The following RFTN2 variants were observed in gnomAD, a reference collection of about 807,000 sequenced individuals.
RFTN2 encodes raftlin family member 2.
RFTN2 carries 34 observed loss-of-function variants against 52.7 expected under a neutral mutation model. The observed-to-expected ratio is 0.64, with a 90% CI of 0.49 to 0.86. The LOEUF (loss-of-function observed/expected upper bound fraction) is 0.86. Ranked by LOEUF, RFTN2 falls within the 40% of genes least tolerant of loss-of-function variation. The pLI is 0.00. For missense variants in RFTN2, 536 were observed against 600.1 expected (o/e 0.89, Z 1.12); for synonymous variants, 203 against 217.7 (o/e 0.93, Z 0.59).
chr2:197,634,491 G>C (rs936094077), intron 3 of RFTN2, among the ~76,000 whole-genome samples: 3 of 152,038 alleles, frequency 2.0e-5, no homozygotes, highest in Admixed American at 1.3e-4. Flanking sequence ...TGACGAATGT[G>C]TAGGTATAAA....
In RFTN2 at chr2:197,633,970, T is replaced by C. The variant is rs1162245714; in HGVS notation, c.466A>G (p.Lys156Glu). ...KINVAAKRGM[K>E]FVGFISQHYS... Reference sequence around the variant, plus strand: ...TGCTGTGATATGAATCCAACAAATTTCATTCCTCTTTTAGCAGCGACATTA... The same window carrying C: ...TGCTGTGATATGAATCCAACAAATTCCATTCCTCTTTTAGCAGCGACATTA... The change falls in exon 4 of 9, where the codon AAA becomes GAA. Residue 156 changes from lysine to glutamate, a missense_variant. Transcript: ENST00000295049. 1.2e-6 allele frequency: 2 copies of C among 1,612,326 alleles called. No homozygotes were observed. Among genetic ancestry groups the C allele is most frequent in the Non-Finnish European group, 1.7e-6 (2 of 1,178,940 alleles).
chr2:197,613,288 G>C (rs891802985), intron 7 of RFTN2, among the ~76,000 whole-genome samples: 2 of 152,152 alleles, frequency 1.3e-5, no homozygotes, highest in Non-Finnish European at 2.9e-5. Flanking sequence ...GCCCTGTATA[G>C]GTACTTTGCG....
At chr2:197,626,710 C>T (rs935510895) in intron 5 of RFTN2, among the ~76,000 whole-genome samples, 1 of 138,722 alleles carries the variant, frequency 7.2e-6, no homozygotes, top group African/African-American at 2.7e-5. Flanking sequence ...CAACCTCTGC[C>T]TCCTGGCAAG....
At chr2:197,660,360 A>G (rs6708239) in intron 1 of RFTN2, among the ~76,000 whole-genome samples, 103,514 of 152,032 alleles carry the variant, frequency 0.68, 35,579 homozygotes, top group Middle Eastern at 0.85. Context: ...AAATAACATC[A>G]AATTATTATT....
chr2:197,617,729 C>T (rs1365985877), intron 6 of RFTN2, 71 bp downstream of exon 6: 2 of 629,078 alleles, frequency 3.2e-6, no homozygotes, highest in East Asian at 1.4e-4. Context: ...AAAACCCAAA[C>T]CAAACATATA....
chr2:197,611,028 A>G lies in RFTN2; in HGVS notation c.1154+4848T>C, dbSNP rs191893816. Among the ~76,000 whole-genome samples, 350 of 152,294 alleles carry G rather than the reference A, an allele frequency of 2.3e-3. 1 individual carries two copies. The highest frequency in any genetic ancestry group is 8.0e-3 in the African/African-American group (333 of 41,558). On this transcript the variant is annotated intron_variant, in intron 7 of 8. Coordinates refer to ENST00000295049, the MANE Select transcript of RFTN2 (RefSeq NM_144629.3). Reference sequence around the variant, plus strand: ...GATTCGGTTTGCCAGTATTTTATTGATGAGCTTCATATCATTGTTCATCAG... The same window carrying G: ...GATTCGGTTTGCCAGTATTTTATTGGTGAGCTTCATATCATTGTTCATCAG...
chr2:197,610,639 C>T (rs1287620738), intron 7 of RFTN2, among the ~76,000 whole-genome samples: 2 of 152,152 alleles, frequency 1.3e-5, no homozygotes, highest in Non-Finnish European at 2.9e-5. Flanking sequence ...GCCAGAACTT[C>T]CAACACTATG....
chr2:197,643,263 TC>T (rs1281330876), intron 3 of RFTN2, among the ~76,000 whole-genome samples: 2 of 152,018 alleles, frequency 1.3e-5, no homozygotes, highest in Non-Finnish European at 2.9e-5. Flanking sequence ...TTTTTTTCTT[TC>T]AGGTTTTGTA....
rs955365349 is a variant in RFTN2 at position 197,568,867 on chromosome 2, C to T, written c.*3141G>A. ...GAAAGAAATGAAAATGCATCTGTTA[C>T]ATTTATATTCAAATATATAAACACC... On this transcript the variant is annotated 3_prime_UTR_variant, in exon 9 of 9. Transcript: ENST00000295049. 1 of 152,144 alleles carries T rather than the reference C, an allele frequency of 6.6e-6. No individual in the cohort carries two copies. Among genetic ancestry groups the T allele is most frequent in the Non-Finnish European group, 1.5e-5 (1 of 68,028 alleles). The allele number at this position is 152,144 out of a possible 1,614,324, so 9.4% of individuals were successfully genotyped here.
At chr2:197,617,005 A>G (rs1197198731) in intron 6 of RFTN2, among the ~76,000 whole-genome samples, 1 of 152,236 alleles carries the variant, frequency 6.6e-6, no homozygotes, top group Non-Finnish European at 1.5e-5. Context: ...ATCTGAATTC[A>G]GGGTGCACAA....
At chr2:197,658,356 G>A (rs1316926615) in intron 1 of RFTN2, among the ~76,000 whole-genome samples, 3 of 151,860 alleles carry the variant, frequency 2.0e-5, no homozygotes, top group South Asian at 2.1e-4. Context: ...CCGCAGTCTC[G>A]ACCTCCTGGG....
intron 8 of RFTN2, among the ~76,000 whole-genome samples, chr2:197,587,777 C>T (rs1321480261): frequency 6.6e-6 from 1 of 152,202 alleles, no homozygotes; most frequent in African/African-American, 2.4e-5. Context: ...TCTCCTACCC[C>T]ACCCTCATTT....
At chr2:197,591,332 T>C (rs528012188) in intron 8 of RFTN2, among the ~76,000 whole-genome samples, 11 of 152,294 alleles carry the variant, frequency 7.2e-5, no homozygotes, top group Admixed American at 2.6e-4. Context: ...AGAGTGCCAA[T>C]TGGTGTATCC....
chr2:197,662,367 A>C (rs190814357), intron 1 of RFTN2, among the ~76,000 whole-genome samples: 133 of 152,236 alleles, frequency 8.7e-4, no homozygotes, highest in Non-Finnish European at 8.8e-5. Context: ...CCATTTATTG[A>C]AGAGGGTGTC....
chr2:197,593,393 A>G (rs1456453637), intron 8 of RFTN2, among the ~76,000 whole-genome samples: 2 of 152,094 alleles, frequency 1.3e-5, no homozygotes, highest in East Asian at 3.8e-4. Flanking sequence ...GTAAAACATG[A>G]TAAACAAAAA....
rs1462403242 is a variant in RFTN2, at chr2:197,618,665, A to C, written c.929-744T>G. ...GGAGCGCCTCTTCCCGGCCGCCATC[A>C]CATCTGGGAAGTGAGGAGCGTCTCT... On this transcript the variant is annotated intron_variant, in intron 5 of 8. Coordinates refer to ENST00000295049, the MANE Select transcript of RFTN2 (RefSeq NM_144629.3). 3.7e-4 allele frequency among the ~76,000 whole-genome samples: 51 copies of C among 137,944 alleles called. No homozygotes were observed. In the East Asian group the frequency reaches 4.6e-3, roughly 12 times the overall value. The allele number at this position is 137,944 out of a possible 152,430, so 90.5% of individuals were successfully genotyped here.
chr2:197,667,030 G>T (rs1231542263), intron 1 of RFTN2, among the ~76,000 whole-genome samples: 1 of 152,158 alleles, frequency 6.6e-6, no homozygotes, highest in Non-Finnish European at 1.5e-5. Flanking sequence ...CACTTGTCCA[G>T]GCTAACAGGC....
At chr2:197,619,395 C>T (rs1249888806) in intron 5 of RFTN2, among the ~76,000 whole-genome samples, 2 of 152,384 alleles carry the variant, frequency 1.3e-5, no homozygotes, top group East Asian at 3.9e-4. Flanking sequence ...TTGTTCTGTA[C>T]TAAGAGAAAT....
intron 1 of RFTN2, among the ~76,000 whole-genome samples, chr2:197,655,310 A>G (rs2088879472): frequency 6.6e-6 from 1 of 152,204 alleles, no homozygotes; most frequent in Non-Finnish European, 1.5e-5. Flanking sequence ...CATCATTGGA[A>G]TAAGTTCTGC....
Sources: allele counts gnomAD v4.1 joint callset (sites outside exome capture counted in the v4.1 genomes callset), GRCh38; gene constraint gnomAD v4.1.1; transcripts MANE v1.5; gene names NCBI Gene and HGNC (gene_info 2026-07-23, HGNC 2026-07-21).